TSC2: variants seen among roughly 807,000 people sequenced by gnomAD.
The protein encoded by TSC2 is TSC complex subunit 2, also known as tuberin.
Under a neutral mutation model 202.2 loss-of-function variants are expected in TSC2, and 29 were observed. That is an observed-to-expected ratio of 0.14 (90% CI 0.11 to 0.20). TSC2 has a LOEUF of 0.20. Among genes scored for constraint, TSC2 ranks in the 10% least tolerant of loss-of-function variants. The pLI, the probability that TSC2 is intolerant of heterozygous loss-of-function variation, is 1.00. For synonymous variants in TSC2, 1,349 were observed against 1,044.0 expected (o/e 1.29, Z -5.63); for missense variants, 2,429 against 2,420.0 (o/e 1.00, Z -0.08).
In TSC2 at chr16:2,087,884, G is replaced by A. The variant is rs775395648; in HGVS notation, c.5011G>A (p.Val1671Met). The A allele has an allele frequency of 5.0e-6, 8 of 1,612,448 alleles. No homozygotes were observed. Among genetic ancestry groups the A allele is most frequent in the South Asian group, 4.4e-5 (4 of 91,080 alleles). The change falls in exon 39 of 42, where the codon GTG (valine) becomes ATG (methionine). Residue 1671 changes from valine (V) to methionine (M), a missense_variant. Coordinates refer to ENST00000219476, the MANE Select transcript of TSC2 (RefSeq NM_000548.5). ...TIKGQFNFVH[V>M]IVTPLDYECN... ...GCAGGGCCAGTTCAACTTTGTCCACGTGATCGTCACCCCGCTGGACTACGA... is the reference window on the plus strand; with the variant it reads ...GCAGGGCCAGTTCAACTTTGTCCACATGATCGTCACCCCGCTGGACTACGA...
In TSC2 at chr16:2,074,378, A is replaced by G. The variant is rs764608837; in HGVS notation, c.2534A>G (p.Glu845Gly). 2.5e-6 allele frequency: 4 copies of G among 1,610,972 alleles called. No homozygotes were observed. The highest frequency in any genetic ancestry group is 3.4e-6 in the Non-Finnish European group (4 of 1,180,012). Reference sequence around the variant, plus strand: ...GCCAGCATGGCCGTCCCACTGCTGGAGTTCCTGTCCAGTGAGTCCCCGCCC... The same window carrying G: ...GCCAGCATGGCCGTCCCACTGCTGGGGTTCCTGTCCAGTGAGTCCCCGCCC... ...ATASMAVPLL[E>G]FLSTLARLPH... The change falls in exon 22 of 42, where the codon GAG (glutamate) becomes GGG (glycine). Residue 845 changes from glutamate (E) to glycine (G), a missense_variant. By Grantham distance (98) the Glu-to-Gly change is moderately conservative. Transcript: ENST00000219476.
chr16:2,052,416 C>T (rs1423302893), intron 3 of TSC2, among the ~76,000 whole-genome samples: 3 of 152,060 alleles, frequency 2.0e-5, no homozygotes, highest in Non-Finnish European at 2.9e-5. Flanking sequence ...CTCACGTGAT[C>T]CTCCTACTTT....
Position 2,084,285 on chromosome 16 carries a change from A to C in TSC2, c.4063A>C (p.Arg1355=). The C allele has an allele frequency of 6.2e-7, 1 of 1,612,242 alleles. No individual in the cohort carries two copies. Among genetic ancestry groups the C allele is most frequent in the Non-Finnish European group, 8.5e-7 (1 of 1,179,774 alleles). The part of the protein sequence containing the change: ...KSLHAEELVG[R]GIPIERVVSS... ...GCTCCACGCGGAGGAGCTGGTTGGC[A>C]GGGGCATCCCCATCGAGCGAGTCGT... The change falls in exon 34 of 42, where the codon AGG becomes CGG. Residue 1355 remains arginine, a synonymous_variant. Coordinates refer to ENST00000219476, the MANE Select transcript of TSC2 (RefSeq NM_000548.5).
intron 41 of TSC2, 29 bp downstream of exon 41, chr16:2,088,354 G>C (rs762387054): frequency 2.5e-6 from 4 of 1,612,332 alleles, no homozygotes; most frequent in East Asian, 4.5e-5. Context: ...CCTCAGCGGG[G>C]TGTGCTGGCT....
chr16:2,072,087 G>C (rs544091175), intron 19 of TSC2, 153 bp downstream of exon 19: 3 of 1,504,376 alleles, frequency 2.0e-6, no homozygotes, highest in East Asian at 4.8e-5. Context: ...CAGCTGCAGG[G>C]ACAGAGGCCT....
chr16:2,067,854 A>G (rs182835315), intron 16 of TSC2, among the ~76,000 whole-genome samples: 1 of 152,200 alleles, frequency 6.6e-6, no homozygotes, highest in Admixed American at 6.5e-5. Flanking sequence ...ACTGGTTGGG[A>G]AGGGGTGTGC....
Position 2,050,424 on chromosome 16 carries a change from A to C in TSC2, c.163A>C (p.Asn55His), listed in dbSNP as rs2084958940. 6.2e-7 allele frequency: 1 copy of C among 1,613,914 alleles called. No individual in the cohort carries two copies. Among genetic ancestry groups the C allele is most frequent in the Non-Finnish European group, 8.5e-7 (1 of 1,179,944 alleles). Residue 55 changes from asparagine to histidine, a missense_variant, in exon 3 of 42, where the codon AAC becomes CAC. Transcript: ENST00000219476. ...LRELSMECGLNNRIRMIGQIC... is the reference protein window; with the variant it reads ...LRELSMECGLHNRIRMIGQIC... ...GGAACTGAGCATGGAATGTGGCCTCAACAATCGCATCCGGATGATAGGGCA... is the reference window on the plus strand; with the variant it reads ...GGAACTGAGCATGGAATGTGGCCTCCACAATCGCATCCGGATGATAGGGCA...
chr16:2,054,121 C>T (rs773994019), intron 4 of TSC2, 175 bp from the exon 5 acceptor site: 66 of 1,010,696 alleles, frequency 6.5e-5, no homozygotes, highest in Non-Finnish European at 8.5e-5. Context: ...CCGGTGCATC[C>T]GGCCCCCTGC....
chr16:2,088,597 C>G lies in TSC2; in HGVS notation c.5411C>G (p.Thr1804Ser). Residue 1804 changes from threonine (T) to serine (S), a missense_variant, in exon 42 of 42, where the codon ACC becomes AGC. By Grantham distance (58) the Thr-to-Ser change is moderately conservative (BLOSUM62 1). Coordinates refer to ENST00000219476, the MANE Select transcript of TSC2 (RefSeq NM_000548.5). ...CTCATCTCCTCGGTGGAGGACTTCA[C>G]CGAGTTTGTGTGAGGCCGGGGCCCT... is the stretch of plus-strand genomic sequence containing the variant. ...KRLISSVEDF[T>S]EFV 6.2e-7 allele frequency: 1 copy of G among 1,605,122 alleles called. No homozygotes were observed. The highest frequency in any genetic ancestry group is 8.5e-7 in the Non-Finnish European group (1 of 1,179,754).
intron 22 of TSC2, chr16:2,074,635 C>T (rs571170886): frequency 3.9e-5 from 22 of 570,440 alleles, no homozygotes; most frequent in Admixed American, 1.8e-4. Context: ...TCTTCCCCCC[C>T]GAGCAGTGGC....
intron 31 of TSC2, chr16:2,082,155 C>T: frequency 3.4e-6 from 2 of 594,396 alleles, no homozygotes; most frequent in Non-Finnish European, 3.0e-6. Flanking sequence ...TCTGGGCCCC[C>T]ACCCCACTCG....
chr16:2,058,697 C>T (rs2086212976), intron 9 of TSC2, 50 bp from the exon 10 acceptor site: 5 of 1,553,116 alleles, frequency 3.2e-6, no homozygotes, highest in African/African-American at 1.4e-5. Context: ...CATGGCGGAC[C>T]CTGGGACAGG....
rs778147657 is a variant in TSC2, at chr16:2,084,423, C to G, written c.4201C>G (p.Pro1401Ala). The G allele has an allele frequency of 1.2e-6, 2 of 1,611,328 alleles. No homozygotes were observed. Among genetic ancestry groups the G allele is most frequent in the Non-Finnish European group, 1.7e-6 (2 of 1,179,456 alleles). ...GACTCTGCAGGACATCCTCGGGGACCCTGGGGACAAGGCCGACGTGGGCCG... is the reference window on the plus strand; with the variant it reads ...GACTCTGCAGGACATCCTCGGGGACGCTGGGGACAAGGCCGACGTGGGCCG... ...LQTLQDILGD[P>A]GDKADVGRLS... The change falls in exon 34 of 42, where the codon CCT (proline) becomes GCT (alanine). Residue 1401 changes from proline (P) to alanine (A), a missense_variant. By Grantham distance (27) the Pro-to-Ala change is conservative. Transcript: ENST00000219476.
rs549797123 is a variant in TSC2, at chr16:2,074,458, G to T, written c.2545+69G>T. ...CTGTGTAACCTGTGCGGGCTTCTCT[G>T]GTGCCCTCTCTCAGGACTCCTTGGG... On this transcript the variant is annotated intron_variant, in intron 22 of 41. Transcript: ENST00000219476. 5.5e-4 allele frequency: 875 copies of T among 1,580,644 alleles called. 1 individual carries two copies. Among genetic ancestry groups the T allele is most frequent in the Non-Finnish European group, 6.3e-4 (734 of 1,167,984 alleles).
At position 2,084,208 on chromosome 16, in the gene TSC2, T is replaced by C. The variant is rs2090476506; in HGVS notation, c.4006-20T>C. On this transcript the variant is annotated intron_variant, in intron 33 of 41. Transcript: ENST00000219476. ...AGGGTGCCTGCTGACAGGGGTTCTC[T>C]TTGGGATGGTCCTTTCTAGTCGTCC... 2.6e-6 allele frequency: 4 copies of C among 1,565,440 alleles called. No homozygotes were observed. In the South Asian group the frequency reaches 4.7e-5, roughly 18 times the overall value.
chr16:2,087,980 G>C, intron 39 of TSC2, 39 bp downstream of exon 39: 3 of 1,610,644 alleles, frequency 1.9e-6, no homozygotes, highest in Non-Finnish European at 2.5e-6. Flanking sequence ...GGAAAGGTAG[G>C]GCCGGGTGGG....
In TSC2 at chr16:2,048,014, G is replaced by C. The variant is rs1306111584; in HGVS notation, c.-81G>C. The C allele has an allele frequency of 1.4e-6, 2 of 1,467,502 alleles. No individual in the cohort carries two copies. The highest frequency in any genetic ancestry group is 1.8e-6 in the Non-Finnish European group (2 of 1,114,246). 90.9% of individuals were successfully genotyped at this position (1,467,502 alleles called of 1,614,324 possible). The stretch of plus-strand genomic sequence containing the variant: ...CCGGCGGCGTCCCGGGGCCAGGGGG[G>C]TGCGCCTTTCTCCGCGTCGGGGCGG... On this transcript the variant is annotated 5_prime_UTR_variant, in exon 1 of 42. Coordinates refer to ENST00000219476, the MANE Select transcript of TSC2 (RefSeq NM_000548.5).
chr16:2,079,856 C>T lies in TSC2; in HGVS notation c.3397+187C>T, dbSNP rs912280841. The stretch of plus-strand genomic sequence containing the variant: ...AGCCGTGGAGTGGTGGAGTGTGGCC[C>T]GCTTGCTGCAGAGGGGCCTGCTCTG... On this transcript the variant is annotated intron_variant, in intron 29 of 41. Transcript: ENST00000219476. This position sits in a 1 kb window ranked among gnomAD's most constrained non-coding sequence, Gnocchi z 4.6. Among the ~76,000 whole-genome samples the T allele has an allele frequency of 1.3e-5, 2 of 152,156 alleles. No individual in the cohort carries two copies. Among genetic ancestry groups the T allele is most frequent in the African/African-American group, 2.4e-5 (1 of 41,436 alleles).
chr16:2,085,558 C>T (rs1318566870), intron 36 of TSC2, among the ~76,000 whole-genome samples: 1 of 152,138 alleles, frequency 6.6e-6, no homozygotes, highest in Non-Finnish European at 1.5e-5. Context: ...AAGGACTGGG[C>T]GGGTGGCACC....
Sources: allele counts gnomAD v4.1 joint callset (sites outside exome capture counted in the v4.1 genomes callset), GRCh38; gene constraint gnomAD v4.1.1; non-coding constraint Gnocchi (gnomAD v3.1); transcripts MANE v1.5; gene names NCBI Gene and HGNC (gene_info 2026-07-23, HGNC 2026-07-21).